Variants in CDH10 observed in about 807,000 individuals in gnomAD.
CDH10 encodes the protein cadherin-10.
Under a neutral mutation model 73.1 loss-of-function variants are expected in CDH10, and 30 were observed. The observed-to-expected ratio is 0.41, with a 90% CI of 0.31 to 0.56. CDH10 has a LOEUF of 0.56. CDH10 is among the 20% of genes least tolerant of loss of function. The pLI, the probability that CDH10 is intolerant of heterozygous loss-of-function variation, is 0.27. For synonymous variants in CDH10, 345 were observed against 348.2 expected, an observed-to-expected ratio of 0.99 and a Z score of 0.10; for missense variants, 815 against 973.7, an observed-to-expected ratio of 0.84 and a Z score of 2.17.
chr5:24,489,555 C>T (rs1288538418), intron 11 of CDH10, among the ~76,000 whole-genome samples: 1 of 152,090 alleles, frequency 6.6e-6, no homozygotes, highest in Non-Finnish European at 1.5e-5. Flanking sequence ...AATGACCTTG[C>T]CCAGCAAAAA....
intron 1 of CDH10, among the ~76,000 whole-genome samples, chr5:24,638,898 C>T (rs1468645348): frequency 6.6e-6 from 1 of 151,688 alleles, no homozygotes; most frequent in East Asian, 1.9e-4. Flanking sequence ...AAATCAATAT[C>T]ACACTGTTGG....
At chr5:24,601,910 C>G (rs1295973304) in intron 1 of CDH10, among the ~76,000 whole-genome samples, 1 of 151,218 alleles carries the variant, frequency 6.6e-6, no homozygotes, top group African/African-American at 2.5e-5. Context: ...ATTATCATCC[C>G]CTGCTACTAC....
intron 3 of CDH10, 28 bp downstream of exon 3, chr5:24,537,352 C>G (rs1285797168): frequency 1.4e-6 from 2 of 1,472,338 alleles, no homozygotes; most frequent in Non-Finnish European, 1.8e-6. Context: ...TTTTTGAATA[C>G]CATCATAAAC....
chr5:24,549,799 G>C (rs1744479660), intron 2 of CDH10, among the ~76,000 whole-genome samples: 2 of 152,076 alleles, frequency 1.3e-5, no homozygotes, highest in South Asian at 2.1e-4. Context: ...TGAGCTGCTC[G>C]CCTCAGCCTC....
intron 2 of CDH10, among the ~76,000 whole-genome samples, chr5:24,547,949 T>C (rs1161989810): frequency 2.6e-5 from 4 of 152,146 alleles, no homozygotes; most frequent in African/African-American, 9.7e-5. Context: ...TGTCAATTGT[T>C]GAAGAAGCGT....
intron 2 of CDH10, among the ~76,000 whole-genome samples, chr5:24,554,641 T>C (rs976567303): frequency 7.9e-5 from 12 of 152,292 alleles, no homozygotes; most frequent in African/African-American, 2.6e-4. Context: ...TGTCCTTTTC[T>C]TCTAGTATCC....
intron 1 of CDH10, among the ~76,000 whole-genome samples, chr5:24,616,985 T>C (rs986733439): frequency 6.6e-6 from 1 of 152,198 alleles, no homozygotes; most frequent in African/African-American, 2.4e-5. Context: ...CACCTCATCT[T>C]TTGAAAACAC....
chr5:24,614,750 GT>G (rs1316561260), intron 1 of CDH10, among the ~76,000 whole-genome samples: 2 of 152,144 alleles, frequency 1.3e-5, no homozygotes, highest in African/African-American at 4.8e-5. Flanking sequence ...ATATTTGGGA[GT>G]ATTTTATATG....
chr5:24,621,713 T>C (rs1747323393), intron 1 of CDH10, among the ~76,000 whole-genome samples: 1 of 152,234 alleles, frequency 6.6e-6, no homozygotes, highest in East Asian at 1.9e-4. Context: ...CTCTTTCTCA[T>C]CTATATAGAT....
At chr5:24,527,888 CAGAG>C (rs547669527) in intron 5 of CDH10, among the ~76,000 whole-genome samples, 9 of 151,580 alleles carry the variant, frequency 5.9e-5, no homozygotes, top group Admixed American at 5.3e-4. Context: ...GTATCAGAGA[CAGAG>C]AGAGAGATTG....
chr5:24,576,526 G>A (rs1240302946), intron 2 of CDH10, among the ~76,000 whole-genome samples: 1 of 152,076 alleles, frequency 6.6e-6, no homozygotes. Flanking sequence ...AAATAAGAAA[G>A]TAAAAGTGCT....
At chr5:24,537,914 C>T (rs572336125) in intron 2 of CDH10, among the ~76,000 whole-genome samples, 3 of 151,830 alleles carry the variant, frequency 2.0e-5, no homozygotes, top group Non-Finnish European at 2.9e-5. Context: ...AAAATTAAAC[C>T]AAGCTCCTGT....
intron 7 of CDH10, among the ~76,000 whole-genome samples, chr5:24,506,949 A>G (rs773905593): frequency 2.6e-5 from 4 of 152,210 alleles, no homozygotes; most frequent in Non-Finnish European, 4.4e-5. Context: ...ATGTGGCATT[A>G]TCTTGCAGAT....
chr5:24,525,397 A>G (rs774940888), intron 5 of CDH10, among the ~76,000 whole-genome samples: 1 of 152,096 alleles, frequency 6.6e-6, no homozygotes, highest in African/African-American at 2.4e-5. Context: ...TGCTTTGTGT[A>G]TAATCATATT....
chr5:24,557,220 T>C (rs1744800221), intron 2 of CDH10, among the ~76,000 whole-genome samples: 1 of 151,730 alleles, frequency 6.6e-6, no homozygotes, highest in Admixed American at 6.6e-5. Context: ...TTACTATAAT[T>C]TAGATTATTT....
chr5:24,504,819 C>T (rs1355616744), intron 8 of CDH10, among the ~76,000 whole-genome samples: 2 of 151,840 alleles, frequency 1.3e-5, no homozygotes, highest in Admixed American at 6.6e-5. Flanking sequence ...CCACCGTGCC[C>T]GGCCTGTTAA....
chr5:24,488,475 T>G (rs72749726), intron 11 of CDH10, among the ~76,000 whole-genome samples: 1 of 152,280 alleles, frequency 6.6e-6, no homozygotes, highest in Non-Finnish European at 1.5e-5. Flanking sequence ...TCTTCTGCAT[T>G]AAATAAGGAA....
At chr5:24,614,724 A>G (rs1340928686) in intron 1 of CDH10, among the ~76,000 whole-genome samples, 2 of 152,206 alleles carry the variant, frequency 1.3e-5, no homozygotes, top group African/African-American at 4.8e-5. Context: ...ATCTTTGCCA[A>G]CTAGATTAAA....
chr5:24,554,515 T>TGCGC (rs1311470344), intron 2 of CDH10, among the ~76,000 whole-genome samples: 23 of 145,462 alleles, frequency 1.6e-4, no homozygotes, highest in African/African-American at 5.6e-4. Context: ...TGTGTGTGTG[T>TGCGC]GTGTGCACGT....
Sources: allele counts gnomAD v4.1 joint callset (sites outside exome capture counted in the v4.1 genomes callset), GRCh38; gene constraint gnomAD v4.1.1; transcripts MANE v1.5; gene names NCBI Gene and HGNC (gene_info 2026-07-23, HGNC 2026-07-21).